Variants in ZFP64 observed in about 807,000 individuals in gnomAD.
ZFP64 encodes zinc finger protein 64.
In ZFP64, 14 loss-of-function variants were observed where a neutral mutation model predicts 51.6. The observed-to-expected ratio is 0.27, with a 90% confidence interval of 0.18 to 0.42. The LOEUF is 0.42. ZFP64 is among the 10% of genes least tolerant of loss of function. ZFP64 has a pLI of 1.00. For synonymous variants in ZFP64, 375 were observed against 361.4 expected (o/e 1.04, Z -0.43); for missense variants, 754 against 906.8 (o/e 0.83, Z 2.16).
chr20:52,187,265 C>G (rs975137300), intron 1 of ZFP64, among the ~76,000 whole-genome samples, 194 bp from the exon 2 acceptor site: 1 of 152,124 alleles, frequency 6.6e-6, no homozygotes, highest in African/African-American at 2.4e-5. Flanking sequence ...TATTTCCACA[C>G]AGAGATTTCT....
At position 52,175,937 on chromosome 20, in the gene ZFP64, A is replaced by G. The variant is rs77032762; in HGVS notation, c.287-9912T>C. ...ACCCCTTTCACTTACGCTGTTCCCA[A>G]ACGGCCTTTACCGTCCACAGTGGGC... On this transcript the variant is annotated intron_variant, in intron 2 of 5. Transcript: ENST00000216923. The G allele has an allele frequency of 2.6e-3, 2,570 of 984,452 alleles. 56 individuals are homozygous for G. The African/African-American group carries it at 0.042, about 16-fold the overall frequency. The allele number at this position is 984,452 out of a possible 1,614,324, so 61.0% of individuals were successfully genotyped here.
chr20:52,130,014 C>T (rs1979647121), intron 5 of ZFP64, among the ~76,000 whole-genome samples: 1 of 152,168 alleles, frequency 6.6e-6, no homozygotes, highest in South Asian at 2.1e-4. Context: ...TTTTTGCATT[C>T]CCTTTGCCTG....
chr20:52,089,502 G>A (rs56256727), intron 7 of ZFP64, among the ~76,000 whole-genome samples: 4,521 of 152,140 alleles, frequency 0.03, 232 homozygotes, highest in African/African-American at 0.1. Context: ...GTGCTTTGGG[G>A]GGCTGAGGTG....
In ZFP64 at chr20:52,121,400, GA is replaced by G. The variant is rs1464429302; in HGVS notation, c.764-22814del. Among the ~76,000 whole-genome samples the G allele has an allele frequency of 2.6e-5, 4 of 151,942 alleles. No individual in the cohort carries two copies. In the East Asian group the frequency reaches 7.7e-4, roughly 29 times the overall value. Reference sequence around the variant, plus strand: ...GTGAACACATGAGTGATAAAAAAGTGAACCAGCCGGATTTTTGATATGGTGA... The same window carrying G: ...GTGAACACATGAGTGATAAAAAAGTGACCAGCCGGATTTTTGATATGGTGA... On this transcript the variant is annotated intron_variant, in intron 5 of 8. Transcript: ENST00000361387.
intron 3 of ZFP64, chr20:52,165,487 T>G (rs1442751625): frequency 4.5e-5 from 21 of 467,994 alleles, no homozygotes; most frequent in Non-Finnish European, 8.1e-5. Context: ...GGGATTTTTT[T>G]GGTACAATTT....
chr20:52,170,932 T>C (rs775297925), intron 2 of ZFP64, among the ~76,000 whole-genome samples: 1 of 151,920 alleles, frequency 6.6e-6, no homozygotes, highest in Non-Finnish European at 1.5e-5. Context: ...CAGAGAAAAA[T>C]AAAGCAGGGA....
Position 52,191,485 on chromosome 20 carries a change from T to C in ZFP64, c.46+106A>G. Reference sequence around the variant, plus strand: ...ACGCGGCTCCGAGCCGTCACCCCGATTTCGGGGCCCCGGGCCTGCTGGCTG... The same window carrying C: ...ACGCGGCTCCGAGCCGTCACCCCGACTTCGGGGCCCCGGGCCTGCTGGCTG... On this transcript the variant is annotated intron_variant, in intron 1 of 5. Transcript: ENST00000216923. This position sits in a 1 kb window ranked among gnomAD's most constrained non-coding sequence, Gnocchi z 4.3. The C allele has an allele frequency of 2.3e-6, 3 of 1,312,902 alleles. No individual in the cohort carries two copies. The highest frequency in any genetic ancestry group is 3.6e-5 in the South Asian group (2 of 54,974). The allele number at this position is 1,312,902 out of a possible 1,614,324, so 81.3% of individuals were successfully genotyped here. A position where few individuals can be genotyped will look rare whatever the true frequency, so the allele number is the denominator to read the frequency against.
Position 52,177,403 on chromosome 20 carries a change from T to C in ZFP64, c.286+9429A>G, listed in dbSNP as rs115877028. On this transcript the variant is annotated intron_variant, in intron 2 of 5. Coordinates refer to ENST00000216923, the MANE Select transcript of ZFP64 (RefSeq NM_018197.3). ...CCCTTGGCAGCCTAACTGCCTCCAC[T>C]ACAGTGCAACTGGGCAAAGCCATGT... Among the ~76,000 whole-genome samples, 887 of 152,188 alleles carry C rather than the reference T, an allele frequency of 5.8e-3. 11 individuals are homozygous for C. Among genetic ancestry groups the C allele is most frequent in the African/African-American group, 0.02 (850 of 41,536 alleles).
chr20:52,110,911 C>A, intron 5 of ZFP64: 3 of 1,605,418 alleles, frequency 1.9e-6, no homozygotes, highest in Non-Finnish European at 2.6e-6. Context: ...AGCAAGACGC[C>A]TGAACTCATC....
At chr20:52,115,411 GCTTT>G (rs1284055440) in intron 5 of ZFP64, among the ~76,000 whole-genome samples, 2,580 of 143,512 alleles carry the variant, frequency 0.018, 76 homozygotes, top group African/African-American at 0.062. Context: ...GCTCGCTACA[GCTTT>G]TTTTTTTTTT....
Position 52,186,778 on chromosome 20 carries a change from G to A in ZFP64, c.286+54C>T, listed in dbSNP as rs1026884488. The A allele has an allele frequency of 2.6e-6, 4 of 1,558,566 alleles. No homozygotes were observed. In the African/African-American group the frequency reaches 5.4e-5, roughly 21 times the overall value. ...TATTTTTAACAAGTTCCATGGACGTGTTTGAGACACAGCCAGGCCAATTCT... is the reference window on the plus strand; with the variant it reads ...TATTTTTAACAAGTTCCATGGACGTATTTGAGACACAGCCAGGCCAATTCT... On this transcript the variant is annotated intron_variant, in intron 2 of 5. Coordinates refer to ENST00000216923, the MANE Select transcript of ZFP64 (RefSeq NM_018197.3).
chr20:52,176,635 G>A (rs1341126656), intron 2 of ZFP64, among the ~76,000 whole-genome samples: 1 of 150,880 alleles, frequency 6.6e-6, no homozygotes, highest in Non-Finnish European at 1.5e-5. Context: ...TCAGCCTCCC[G>A]AGTAGCTGGG....
intron 5 of ZFP64, among the ~76,000 whole-genome samples, chr20:52,115,658 G>A (rs183619571): frequency 1.8e-3 from 270 of 152,096 alleles, no homozygotes; most frequent in African/African-American, 6.3e-3. Context: ...CAAGTGATGC[G>A]CTGACCTTGG....
chr20:52,115,412 CTT>C (rs764698548), intron 5 of ZFP64, among the ~76,000 whole-genome samples: 1,391 of 123,996 alleles, frequency 0.011, 16 homozygotes, highest in African/African-American at 0.04. Context: ...CTCGCTACAG[CTT>C]TTTTTTTTTT....
chr20:52,187,122 T>G (rs755088237), intron 1 of ZFP64, 51 bp from the exon 2 acceptor site: 2 of 1,560,806 alleles, frequency 1.3e-6, no homozygotes, highest in African/African-American at 2.7e-5. Flanking sequence ...AGCTTTGAAT[T>G]GTAATGCAGA....
downstream of ZFP64, among the ~76,000 whole-genome samples, chr20:52,151,092 G>C (rs1980767746): frequency 1.3e-5 from 2 of 152,300 alleles, no homozygotes; most frequent in African/African-American, 2.4e-5. Flanking sequence ...AAACAACAGT[G>C]GGATGGATCA....
chr20:52,158,375 G>A (rs6021756), intron 5 of ZFP64, among the ~76,000 whole-genome samples: 4,695 of 152,228 alleles, frequency 0.031, 235 homozygotes, highest in African/African-American at 0.11. Flanking sequence ...TGTGAATGAC[G>A]GTGGGGATAA....
chr20:52,093,916 T>C (rs552007987), intron 7 of ZFP64, among the ~76,000 whole-genome samples: 1 of 152,348 alleles, frequency 6.6e-6, no homozygotes, highest in Admixed American at 6.5e-5. Flanking sequence ...GCTTAAAGTA[T>C]GAAAATTGCA....
At chr20:52,146,037 A>C (rs1980507211) in intron 5 of ZFP64, among the ~76,000 whole-genome samples, 1 of 152,174 alleles carries the variant, frequency 6.6e-6, no homozygotes, top group Non-Finnish European at 1.5e-5. Context: ...TTATTCTATA[A>C]GCCTTTTCTA....
Sources: gnomAD v4.1 joint callset for allele counts (sites outside exome capture counted in the v4.1 genomes callset) on GRCh38, gnomAD v4.1.1 for gene constraint, Gnocchi (gnomAD v3.1) non-coding constraint, MANE v1.5 for transcripts, NCBI Gene and HGNC (gene_info 2026-07-23, HGNC 2026-07-21) for gene names.